Variants in FAS observed in about 807,000 individuals in gnomAD.
The protein encoded by FAS is Fas cell surface death receptor.
Under a neutral mutation model 33.2 loss-of-function variants are expected in FAS, and 5 were observed. The ratio of observed to expected loss-of-function variants is 0.15; its 90% CI spans 0.08 to 0.32. The LOEUF (loss-of-function observed/expected upper bound fraction) is 0.32, where lower values mean the gene tolerates loss of function less well. Ranked by LOEUF, FAS falls within the 10% of genes least tolerant of loss-of-function variation. The pLI is 1.00. For synonymous variants in FAS, 131 were observed against 130.7 expected (o/e 1.00, Z -0.01); for missense variants, 339 against 386.0 (o/e 0.88, Z 1.02).
At chr10:88,973,267 C>G (rs538619991) in exon 2 of FAS, 1 of 1,612,514 alleles carries the variant, frequency 6.2e-7, no homozygotes. Flanking sequence ...AATGGATTCC[C>G]ACTCTTGGGG....
chr10:88,977,261 T>C (rs911153498), intron 2 of FAS, among the ~76,000 whole-genome samples: 5 of 151,712 alleles, frequency 3.3e-5, no homozygotes, highest in Admixed American at 2.6e-4. Flanking sequence ...TGAATGGTAA[T>C]GCCTAGGTTT....
At chr10:89,009,019 A>T in intron 4 of FAS, 22 bp downstream of exon 4, 1 of 1,546,052 alleles carries the variant, frequency 6.5e-7, no homozygotes, top group Non-Finnish European at 8.9e-7. Context: ...TCTTTCTCTG[A>T]TTAAAACACT....
chr10:88,984,921 T>G (rs1262352799), upstream of FAS, among the ~76,000 whole-genome samples: 1 of 152,174 alleles, frequency 6.6e-6, no homozygotes, highest in Non-Finnish European at 1.5e-5. Flanking sequence ...GAAGCCAAGA[T>G]GTTAGGCTGC....
chr10:88,968,771 C>T (rs568610581), intron 1 of FAS, among the ~76,000 whole-genome samples: 3 of 152,268 alleles, frequency 2.0e-5, no homozygotes, highest in South Asian at 4.1e-4. Context: ...TTGATATAGG[C>T]ATTTCTGTCC....
chr10:88,991,266 T>A (rs1178174441), intron 1 of FAS: 5 of 445,636 alleles, frequency 1.1e-5, no homozygotes, highest in Non-Finnish European at 2.1e-5. Flanking sequence ...AGCTTTAGGG[T>A]CGCTGGAGGG....
chr10:88,995,906 A>T (rs1185592598), intron 1 of FAS, among the ~76,000 whole-genome samples: 1 of 152,232 alleles, frequency 6.6e-6, no homozygotes, highest in African/African-American at 2.4e-5. Context: ...TACAAATTCA[A>T]TCAGCAGATG....
intron 1 of FAS, among the ~76,000 whole-genome samples, chr10:88,997,297 G>A (rs1047793803): frequency 6.6e-6 from 1 of 152,038 alleles, no homozygotes; most frequent in Non-Finnish European, 1.5e-5. Context: ...GATGTCTGTC[G>A]GGGTCTTGAG....
Position 89,015,880 on chromosome 10 carries a change from T to G in FAS, c.*1430T>G, listed in dbSNP as rs955791607. 4 of 367,946 alleles carry G rather than the reference T, an allele frequency of 1.1e-5. No individual in the cohort carries two copies. Among genetic ancestry groups the G allele is most frequent in the South Asian group, 3.2e-5 (1 of 30,878 alleles). The allele number at this position is 367,946 out of a possible 1,614,324, so 22.8% of individuals were successfully genotyped here. On this transcript the variant is annotated 3_prime_UTR_variant, in exon 9 of 9. Coordinates refer to ENST00000652046, the MANE Select transcript of FAS (RefSeq NM_000043.6). Reference sequence around the variant, plus strand: ...AAATATAACTTGTCTTTAATGCTTCTTGGATCCCTTAGAAGGTACTTCCTT... The same window carrying G: ...AAATATAACTTGTCTTTAATGCTTCGTGGATCCCTTAGAAGGTACTTCCTT...
chr10:89,011,071 G>A, intron 6 of FAS: 1 of 534,436 alleles, frequency 1.9e-6, no homozygotes, highest in Non-Finnish European at 3.4e-6. Flanking sequence ...CTCTGCAGCA[G>A]CAGAATTGGC....
At position 88,974,205 on chromosome 10, in the gene FAS, C is replaced by T. The variant is rs529968340; in HGVS notation, n.260+858C>T. 4 of 151,836 alleles carry T rather than the reference C, an allele frequency of 2.6e-5. No homozygotes were observed. The South Asian group carries it at 8.3e-4, about 32-fold the overall frequency. 9.4% of individuals were successfully genotyped at this position (151,836 alleles called of 1,614,324 possible). ...GACATTGAGAGGACCCAGAAATATA[C>T]CCTGACTAACGTGGGTGGAATTTCA... On this transcript the variant is annotated intron_variant and non_coding_transcript_variant, in intron 2 of 3. Coordinates refer to the FAS transcript ENST00000688239.
At chr10:88,990,453 T>G (rs1847091496), upstream of FAS, 1 of 508,064 alleles carries the variant, frequency 2.0e-6, no homozygotes, top group African/African-American at 1.9e-5. This position sits in a 1 kb window ranked among gnomAD's most constrained non-coding sequence, Gnocchi z 4.9. Flanking sequence ...TGCCAGCCAC[T>G]GCAGGAACGC....
chr10:88,978,378 AC>A (rs1846625771), intron 2 of FAS, among the ~76,000 whole-genome samples: 1 of 152,002 alleles, frequency 6.6e-6, no homozygotes, highest in African/African-American at 2.4e-5. Context: ...GTGCACATGT[AC>A]CCTAAAACTT....
Position 89,016,856 on chromosome 10 carries a change from T to C in FAS, c.*2406T>C, listed in dbSNP as rs1379016697. 2 of 204,624 alleles carry C rather than the reference T, an allele frequency of 9.8e-6. No individual in the cohort carries two copies. Among genetic ancestry groups the C allele is most frequent in the South Asian group, 1.9e-4 (1 of 5,294 alleles). 12.7% of individuals were successfully genotyped at this position (204,624 alleles called of 1,614,324 possible). A position where few individuals can be genotyped will look rare whatever the true frequency, so the allele number is the denominator to read the frequency against. Reference sequence around the variant, plus strand: ...TTATTGGCATGCCCACAGGGTCTTCTGACCTCTGATTAGATCAGACACTTT... The same window carrying C: ...TTATTGGCATGCCCACAGGGTCTTCCGACCTCTGATTAGATCAGACACTTT... On this transcript the variant is annotated 3_prime_UTR_variant, in exon 9 of 9. Coordinates refer to ENST00000652046, the MANE Select transcript of FAS (RefSeq NM_000043.6).
At chr10:88,966,238 T>C (rs1375204698) in intron 1 of FAS, among the ~76,000 whole-genome samples, 1 of 152,196 alleles carries the variant, frequency 6.6e-6, no homozygotes, top group Non-Finnish European at 1.5e-5. Context: ...ATGATCTTCA[T>C]CAATATTATC....
At chr10:88,990,501 A>G, upstream of FAS, 1 of 579,444 alleles carries the variant, frequency 1.7e-6, no homozygotes, top group Non-Finnish European at 3.3e-6. This position sits in a 1 kb window ranked among gnomAD's most constrained non-coding sequence, Gnocchi z 4.9. Context: ...ACGAACCCTG[A>G]CTCCTTCCTC....
At chr10:89,013,669 A>G (rs1848642797) in intron 8 of FAS, among the ~76,000 whole-genome samples, 2 of 152,254 alleles carry the variant, frequency 1.3e-5, no homozygotes, top group South Asian at 4.1e-4. Context: ...TAGAGGTTAA[A>G]GTGTACTGTA....
intron 1 of FAS, among the ~76,000 whole-genome samples, chr10:89,001,324 A>G (rs1261706042): frequency 2.0e-5 from 3 of 149,278 alleles, no homozygotes; most frequent in African/African-American, 7.4e-5. Flanking sequence ...GAACTTCAAT[A>G]AAAACAGGGG....
intron 1 of FAS, among the ~76,000 whole-genome samples, chr10:88,970,204 T>C (rs1200393480): frequency 1.3e-5 from 2 of 152,190 alleles, no homozygotes; most frequent in Non-Finnish European, 2.9e-5. Flanking sequence ...TCTCTACTCA[T>C]AGGCAAAGTC....
rs918186405 is a variant in FAS at position 89,016,353 on chromosome 10, T to C, written c.*1903T>C. On this transcript the variant is annotated 3_prime_UTR_variant, in exon 9 of 9. Coordinates refer to ENST00000652046, the MANE Select transcript of FAS (RefSeq NM_000043.6). The stretch of plus-strand genomic sequence containing the variant: ...TCATTAATTTCTCTTTTCTGAGCCA[T>C]CATAGTCTGTGCTGTCTGCTCTCCA... The C allele has an allele frequency of 4.6e-6, 1 of 218,882 alleles. No individual in the cohort carries two copies. Among genetic ancestry groups the C allele is most frequent in the Non-Finnish European group, 9.2e-6 (1 of 108,996 alleles). The allele number at this position is 218,882 out of a possible 1,614,324, so 13.6% of individuals were successfully genotyped here.
Sources: gnomAD v4.1 joint callset for allele counts (sites outside exome capture counted in the v4.1 genomes callset) on GRCh38, gnomAD v4.1.1 for gene constraint, Gnocchi (gnomAD v3.1) non-coding constraint, MANE v1.5 for transcripts, NCBI Gene and HGNC (gene_info 2026-07-23, HGNC 2026-07-21) for gene names.